CCDC175: variants seen among roughly 807,000 people sequenced by gnomAD.
CCDC175 encodes the protein coiled-coil domain containing 175, also known as coiled-coil domain-containing protein 175.
A neutral mutation model predicts 114.6 loss-of-function variants in CCDC175; 100 were observed. The observed-to-expected ratio is 0.87, with a 90% CI of 0.74 to 1.03. CCDC175 has a LOEUF of 1.03. CCDC175 is among the 50% of genes least tolerant of loss of function. The pLI is 0.00. For missense variants in CCDC175, 880 were observed against 917.8 expected (o/e 0.96, Z 0.53); for synonymous variants, 306 against 308.7 (o/e 0.99, Z 0.09).
chr14:59,571,611 A>C (rs8005106), intron 3 of CCDC175, among the ~76,000 whole-genome samples: 138,641 of 152,260 alleles, frequency 0.91, 63,308 homozygotes, highest in East Asian at 1. Flanking sequence ...AAAAACAAAA[A>C]AATCTGGAAA....
At chr14:59,543,063 A>G (rs1894882568) in intron 10 of CCDC175, among the ~76,000 whole-genome samples, 1 of 152,158 alleles carries the variant, frequency 6.6e-6, no homozygotes, top group South Asian at 2.1e-4. Context: ...ATGAACATCA[A>G]TGGGACTCAG....
At chr14:59,536,001 C>G (rs1235872791) in intron 13 of CCDC175, among the ~76,000 whole-genome samples, 3 of 152,208 alleles carry the variant, frequency 2.0e-5, no homozygotes, top group African/African-American at 7.2e-5. Flanking sequence ...AACAGGCAAT[C>G]CTTGCTCCAG....
chr14:59,525,297 A>G lies in CCDC175; in HGVS notation c.1980T>C (p.Asn660=). 1 of 1,452,168 alleles carries G rather than the reference A, an allele frequency of 6.9e-7. No individual in the cohort carries two copies. 90.0% of individuals were successfully genotyped at this position (1,452,168 alleles called of 1,614,324 possible). Residue 660 remains asparagine, a synonymous_variant, in exon 16 of 20, where the codon AAT becomes AAC. Coordinates refer to ENST00000537690, the MANE Select transcript of CCDC175 (RefSeq NM_001164399.2). ...DQKADLLLLE[N]KKLKEYILYL... ...TTAAACTTACTTCTTTTAATTTTTT[A>G]TTTTCCAGGAGCAGAAGATCTGCTT...
Position 59,518,645 on chromosome 14 carries a change from A to G in CCDC175, c.2098+2929T>C, listed in dbSNP as rs570987055. 3.3e-4 allele frequency among the ~76,000 whole-genome samples: 50 copies of G among 152,292 alleles called. 1 individual carries two copies. In the East Asian group the frequency reaches 5.2e-3, roughly 16 times the overall value. Reference sequence around the variant, plus strand: ...ACCATCTCACACCAGTTAGAATGGCAATCATTAAAAAGTCAGGAAAAAACA... The same window carrying G: ...ACCATCTCACACCAGTTAGAATGGCGATCATTAAAAAGTCAGGAAAAAACA... On this transcript the variant is annotated intron_variant, in intron 17 of 19. Transcript: ENST00000537690.
intron 19 of CCDC175, among the ~76,000 whole-genome samples, chr14:59,507,910 T>C (rs1383961900): frequency 1.3e-5 from 2 of 152,182 alleles, no homozygotes; most frequent in South Asian, 4.1e-4. Context: ...CTGGAGGCTA[T>C]ATGACCAAAC....
At chr14:59,568,456 AG>A (rs1372480264) in intron 3 of CCDC175, 76 bp from the exon 4 acceptor site, 1 of 1,174,150 alleles carries the variant, frequency 8.5e-7, no homozygotes, top group Non-Finnish European at 1.1e-6. Context: ...CACGCAAAAA[AG>A]CTTTCTTTGA....
chr14:59,518,523 T>C (rs1174501944), intron 17 of CCDC175, among the ~76,000 whole-genome samples: 1 of 152,118 alleles, frequency 6.6e-6, no homozygotes, highest in Non-Finnish European at 1.5e-5. Flanking sequence ...GAACAGACAT[T>C]TCTCAAAAGA....
At chr14:59,535,090 A>G (rs1894313860) in intron 13 of CCDC175, among the ~76,000 whole-genome samples, 1 of 152,202 alleles carries the variant, frequency 6.6e-6, no homozygotes, top group South Asian at 2.1e-4. Flanking sequence ...CATGCCACTG[A>G]ATCAAAGGCA....
intron 7 of CCDC175, among the ~76,000 whole-genome samples, chr14:59,556,533 T>C (rs1895912376): frequency 6.6e-6 from 1 of 152,162 alleles, no homozygotes; most frequent in African/African-American, 2.4e-5. Flanking sequence ...GGCAATACCA[T>C]TCAGGACATA....
intron 14 of CCDC175, 82 bp from the exon 15 acceptor site, chr14:59,527,256 C>A: frequency 1.4e-6 from 1 of 706,200 alleles, no homozygotes; most frequent in Non-Finnish European, 2.2e-6. Flanking sequence ...TTTTAAAAAT[C>A]AAATTATCTC....
chr14:59,562,017 G>A (rs557404049), intron 6 of CCDC175, among the ~76,000 whole-genome samples: 1 of 152,328 alleles, frequency 6.6e-6, no homozygotes, highest in South Asian at 2.1e-4. Flanking sequence ...AGCCACGCCA[G>A]GTGAGAGAGG....
chr14:59,563,300 C>T (rs1044874688), intron 6 of CCDC175, among the ~76,000 whole-genome samples: 2 of 152,050 alleles, frequency 1.3e-5, no homozygotes, highest in Admixed American at 1.3e-4. Context: ...TTTAAATAGA[C>T]AAATGGTCTC....
intron 6 of CCDC175, among the ~76,000 whole-genome samples, chr14:59,562,927 A>G (rs917977827): frequency 3.3e-5 from 5 of 152,186 alleles, no homozygotes; most frequent in Admixed American, 1.3e-4. Flanking sequence ...ATGCTTTGTA[A>G]TTGGATATCA....
At chr14:59,546,991 G>C (rs1159379752) in intron 8 of CCDC175, among the ~76,000 whole-genome samples, 1 of 152,116 alleles carries the variant, frequency 6.6e-6, no homozygotes, top group Non-Finnish European at 1.5e-5. Context: ...TGTAATCCTA[G>C]CACTTTGAGA....
At chr14:59,574,867 C>T in intron 2 of CCDC175, 76 bp downstream of exon 2, 1 of 760,562 alleles carries the variant, frequency 1.3e-6, no homozygotes, top group Non-Finnish European at 2.1e-6. Context: ...ATACTTTGAA[C>T]AGAATTGGTG....
intron 7 of CCDC175, among the ~76,000 whole-genome samples, chr14:59,555,649 C>G (rs1436595114): frequency 6.6e-6 from 1 of 152,092 alleles, no homozygotes; most frequent in Non-Finnish European, 1.5e-5. Context: ...AAAGGGTATT[C>G]AATTAGGAAA....
chr14:59,539,717 C>A (rs1894647191), intron 11 of CCDC175, among the ~76,000 whole-genome samples: 1 of 152,136 alleles, frequency 6.6e-6, no homozygotes, highest in South Asian at 2.1e-4. Flanking sequence ...AGTTTGAGAG[C>A]AGCGTGGCCA....
chr14:59,517,516 T>C lies in CCDC175; in HGVS notation c.2098+4058A>G, dbSNP rs546608619. ...TGTGCAAAAATCACAAGCATTCTTA[T>C]ACACCAATAACAGACAAACAGAGAG... is the stretch of plus-strand genomic sequence containing the variant. On this transcript the variant is annotated intron_variant, in intron 17 of 19. Transcript: ENST00000537690. Among the ~76,000 whole-genome samples, 702 of 152,298 alleles carry C rather than the reference T, an allele frequency of 4.6e-3. 4 individuals carry two copies. Among genetic ancestry groups the C allele is most frequent in the African/African-American group, 0.015 (638 of 41,560 alleles).
chr14:59,506,510 A>C (rs866830119), intron 19 of CCDC175, among the ~76,000 whole-genome samples: 10 of 151,808 alleles, frequency 6.6e-5, no homozygotes, highest in Middle Eastern at 6.8e-3. Context: ...CTGGTCTTGC[A>C]CTCCTGACCT....
Sources: gnomAD v4.1 joint callset for allele counts (sites outside exome capture counted in the v4.1 genomes callset) on GRCh38, gnomAD v4.1.1 for gene constraint, MANE v1.5 for transcripts, NCBI Gene and HGNC (gene_info 2026-07-23, HGNC 2026-07-21) for gene names.